METTL8: variants seen among roughly 807,000 people sequenced by gnomAD.
The protein encoded by METTL8 is methyltransferase 8, tRNA N3-cytidine.
In METTL8, 32 loss-of-function variants were observed where a neutral mutation model predicts 48.7. The observed-to-expected ratio is 0.66, with a 90% CI of 0.50 to 0.88. The LOEUF is 0.88. Among genes scored for constraint, METTL8 ranks in the 40% least tolerant of loss-of-function variants. The pLI is 0.00. For synonymous variants in METTL8, 136 were observed against 157.1 expected (o/e 0.87, Z 1.01); for missense variants, 464 against 474.4 (o/e 0.98, Z 0.20).
intron 1 of METTL8, among the ~76,000 whole-genome samples, chr2:171,426,917 G>T (rs951495059): frequency 1.3e-5 from 2 of 152,098 alleles, no homozygotes; most frequent in African/African-American, 4.8e-5. Context: ...AGTTCCACAT[G>T]GTCTGACCCC....
intron 1 of METTL8, among the ~76,000 whole-genome samples, chr2:171,407,537 T>C (rs947553839): frequency 6.6e-6 from 1 of 152,064 alleles, no homozygotes; most frequent in South Asian, 2.1e-4. Flanking sequence ...CAAATGCCTA[T>C]GAAAGAGAAA....
rs1203875558 is a variant in METTL8 at position 171,317,079 on chromosome 2, C to CA, written c.*7092dup. 6.6e-6 allele frequency among the ~76,000 whole-genome samples: 1 copy of CA among 151,950 alleles called. No homozygotes were observed. The highest frequency in any genetic ancestry group is 6.6e-5 in the Admixed American group (1 of 15,262). On this transcript the variant is annotated 3_prime_UTR_variant, in exon 10 of 10. Transcript: ENST00000375258. The stretch of plus-strand genomic sequence containing the variant: ...TGTGCTAAGTACAGAGCATTAAAAA[C>CA]AAAAAACAAAAAAGCCCCACTAATG...
intron 1 of METTL8, among the ~76,000 whole-genome samples, chr2:171,408,968 G>A (rs1046843598): frequency 1.3e-5 from 2 of 152,118 alleles, no homozygotes; most frequent in African/African-American, 2.4e-5. Flanking sequence ...TTTCCACAGG[G>A]CTTTGTGAAT....
intron 3 of METTL8, among the ~76,000 whole-genome samples, chr2:171,355,296 C>T (rs766085714): frequency 3.9e-5 from 6 of 152,282 alleles, no homozygotes; most frequent in South Asian, 2.1e-4. Flanking sequence ...TATTGCAGAA[C>T]GGCAAATGCT....
At chr2:171,412,144 C>A (rs1690816067) in intron 1 of METTL8, among the ~76,000 whole-genome samples, 1 of 152,146 alleles carries the variant, frequency 6.6e-6, no homozygotes, top group Admixed American at 6.5e-5. Context: ...AAAGATTGGG[C>A]AAGTTCCAGG....
intron 2 of METTL8, among the ~76,000 whole-genome samples, chr2:171,376,332 C>A (rs963817259): frequency 2.0e-5 from 3 of 152,132 alleles, no homozygotes; most frequent in African/African-American, 7.2e-5. Context: ...CTCTTCCTAT[C>A]CTGAGTTCCT....
chr2:171,378,191 C>G (rs1687164612), intron 2 of METTL8, among the ~76,000 whole-genome samples: 1 of 152,180 alleles, frequency 6.6e-6, no homozygotes, highest in South Asian at 2.1e-4. Context: ...TCAAGAGACT[C>G]AACTCATGTG....
At chr2:171,363,266 T>C (rs995284312) in intron 2 of METTL8, among the ~76,000 whole-genome samples, 4 of 151,992 alleles carry the variant, frequency 2.6e-5, no homozygotes, top group Admixed American at 1.3e-4. Context: ...CAGAAACCTA[T>C]AAAATGTTCC....
intron 1 of METTL8, among the ~76,000 whole-genome samples, chr2:171,429,133 AAG>A (rs1004536536): frequency 2.9e-4 from 44 of 152,336 alleles, no homozygotes; most frequent in African/African-American, 9.6e-4. Context: ...AAAAAAAAAA[AAG>A]AATATTAACA....
At chr2:171,324,451 T>C (rs1575703381) in intron 9 of METTL8, 89 bp from the exon 10 acceptor site, 2 of 1,138,418 alleles carry the variant, frequency 1.8e-6, no homozygotes, top group Non-Finnish European at 2.4e-6. Context: ...TAACTGACCA[T>C]CTAAATTTCA....
At chr2:171,363,727 G>A (rs1245025346) in intron 2 of METTL8, among the ~76,000 whole-genome samples, 1 of 145,190 alleles carries the variant, frequency 6.9e-6, no homozygotes, top group Non-Finnish European at 1.5e-5. Flanking sequence ...TAATAAATAT[G>A]ACTATTACAT....
chr2:171,367,196 C>T (rs1296742620), intron 2 of METTL8, among the ~76,000 whole-genome samples: 1 of 151,630 alleles, frequency 6.6e-6, no homozygotes, highest in Non-Finnish European at 1.5e-5. Context: ...TCAATAGATC[C>T]AGGCAGGAAA....
chr2:171,405,724 A>G (rs1192553239), intron 1 of METTL8, among the ~76,000 whole-genome samples: 1 of 152,216 alleles, frequency 6.6e-6, no homozygotes, highest in African/African-American at 2.4e-5. Flanking sequence ...AGTTTTGAGA[A>G]TAAGTAGGCC....
At position 171,397,135 on chromosome 2, in the gene METTL8, T is replaced by TCTG. The variant is rs1689147731; in HGVS notation, c.-12-4939_-12-4938insCAG. Among the ~76,000 whole-genome samples, 4 of 151,400 alleles carry TCTG rather than the reference T, an allele frequency of 2.6e-5. No individual in the cohort carries two copies. The South Asian group carries it at 8.4e-4, about 32-fold the overall frequency. The stretch of plus-strand genomic sequence containing the variant: ...TCTTGCCTGGCCTCAGCTTCTATCT[T>TCTG]CACAAGCTAGAAAAATAAGAATAAA... On this transcript the variant is annotated intron_variant, in intron 1 of 9. Coordinates refer to ENST00000375258, the MANE Select transcript of METTL8 (RefSeq NM_001321154.2).
chr2:171,413,718 A>C (rs1398135037), intron 1 of METTL8, among the ~76,000 whole-genome samples: 2 of 152,212 alleles, frequency 1.3e-5, no homozygotes, highest in Non-Finnish European at 2.9e-5. Flanking sequence ...GAGACCAAAA[A>C]GCTGGAGACT....
intron 1 of METTL8, among the ~76,000 whole-genome samples, chr2:171,408,592 G>T (rs530236676): frequency 2.0e-5 from 3 of 151,992 alleles, no homozygotes; most frequent in Non-Finnish European, 2.9e-5. Context: ...GTGACCAGCT[G>T]CTGGGAATTC....
chr2:171,414,310 G>A (rs1022600397), intron 1 of METTL8, among the ~76,000 whole-genome samples: 15 of 151,896 alleles, frequency 9.9e-5, no homozygotes, highest in Admixed American at 6.6e-5. Context: ...CCAGCTACTC[G>A]AGAGGCTGAG....
At chr2:171,357,817 CCT>C (rs1480378881) in intron 3 of METTL8, among the ~76,000 whole-genome samples, 2 of 152,056 alleles carry the variant, frequency 1.3e-5, no homozygotes, top group African/African-American at 2.4e-5. Context: ...GCTGCAGCCC[CCT>C]GAGTAGCTGG....
chr2:171,350,297 C>A (rs1208588101), intron 3 of METTL8, among the ~76,000 whole-genome samples: 2 of 152,118 alleles, frequency 1.3e-5, no homozygotes, highest in East Asian at 3.8e-4. Context: ...TGAACTCATC[C>A]TTTTTTATAG....
Sources: allele counts gnomAD v4.1 joint callset (sites outside exome capture counted in the v4.1 genomes callset), GRCh38; gene constraint gnomAD v4.1.1; transcripts MANE v1.5; gene names NCBI Gene and HGNC (gene_info 2026-07-23, HGNC 2026-07-21).